Variants in PI4KA observed in about 807,000 individuals in gnomAD.
The protein encoded by PI4KA is phosphatidylinositol 4-kinase alpha, also known as PI4-kinase alpha.
A neutral mutation model predicts 271.4 loss-of-function variants in PI4KA; 122 were observed. The observed-to-expected ratio is 0.45, with a 90% CI of 0.39 to 0.52. PI4KA has a LOEUF of 0.52. Ranked by LOEUF, PI4KA falls within the 20% of genes least tolerant of loss-of-function variation. PI4KA has a pLI of 0.00. For synonymous variants in PI4KA, 1,041 were observed against 1,078.8 expected (o/e 0.96, Z 0.69); for missense variants, 1,969 against 2,769.1 (o/e 0.71, Z 6.48).
intron 19 of PI4KA, among the ~76,000 whole-genome samples, chr22:20,790,885 T>C (rs1474148103): frequency 1.3e-5 from 2 of 152,120 alleles, no homozygotes; most frequent in Non-Finnish European, 2.9e-5. Context: ...AATATAACCA[T>C]TAACTTTCAC....
rs1025508559 is a variant in PI4KA at position 20,858,748 on chromosome 22, C to G, written c.-23G>C. 1.4e-5 allele frequency: 19 copies of G among 1,367,356 alleles called. No homozygotes were observed. The highest frequency in any genetic ancestry group is 1.7e-5 in the Non-Finnish European group (18 of 1,058,482). 84.7% of individuals were successfully genotyped at this position (1,367,356 alleles called of 1,614,324 possible). On this transcript the variant is annotated 5_prime_UTR_variant, in exon 1 of 55. Coordinates refer to ENST00000255882, the MANE Select transcript of PI4KA (RefSeq NM_058004.4). Reference sequence around the variant, plus strand: ...CATCACCTCACGAGCCGCGGCGCTGCCCGCCGGCTCCCCGCTCCTGGCCCG... The same window carrying G: ...CATCACCTCACGAGCCGCGGCGCTGGCCGCCGGCTCCCCGCTCCTGGCCCG...
At chr22:20,739,848 C>T (rs529504424) in intron 32 of PI4KA, among the ~76,000 whole-genome samples, 37 of 152,018 alleles carry the variant, frequency 2.4e-4, no homozygotes, top group Admixed American at 1.6e-3. Flanking sequence ...GCATCACCTG[C>T]GGTCAGGAGT....
intron 19 of PI4KA, among the ~76,000 whole-genome samples, chr22:20,767,495 C>A (rs1932639908): frequency 6.6e-6 from 1 of 152,052 alleles, no homozygotes; most frequent in African/African-American, 2.4e-5. Flanking sequence ...GGGTCTCACT[C>A]TGTTACCCAG....
At chr22:20,771,817 A>G (rs1932887271) in intron 19 of PI4KA, among the ~76,000 whole-genome samples, 1 of 152,064 alleles carries the variant, frequency 6.6e-6, no homozygotes, top group Admixed American at 6.6e-5. Context: ...CCTGACCTCA[A>G]GTGATCCACC....
At chr22:20,793,997 C>T (rs165780) in intron 18 of PI4KA, among the ~76,000 whole-genome samples, 1 of 152,064 alleles carries the variant, frequency 6.6e-6, no homozygotes, top group South Asian at 2.1e-4. Flanking sequence ...ACTTCTGGGA[C>T]GATTCATGGG....
intron 36 of PI4KA, among the ~76,000 whole-genome samples, chr22:20,732,761 G>A (rs1344367120): frequency 6.6e-6 from 1 of 152,142 alleles, no homozygotes; most frequent in Non-Finnish European, 1.5e-5. Flanking sequence ...CAGCTGCCTC[G>A]GGTGCGTGTT....
chr22:20,792,791 C>T (rs1044689857), intron 19 of PI4KA, among the ~76,000 whole-genome samples: 9 of 152,268 alleles, frequency 5.9e-5, no homozygotes, highest in Admixed American at 1.3e-4. Flanking sequence ...GCCTGAGCGC[C>T]GACAAGAGGC....
chr22:20,793,197 G>A lies in PI4KA; in HGVS notation c.2324C>T (p.Ala775Val). 1 of 1,540,656 alleles carries A rather than the reference G, an allele frequency of 6.5e-7. No individual in the cohort carries two copies. Among genetic ancestry groups the A allele is most frequent in the Non-Finnish European group, 9.0e-7 (1 of 1,113,290 alleles). ...ATTCAATTAATGAATACTCACCACAGCTATTACAGGAATGAGTACTCCCAA... is the reference window on the plus strand; with the variant it reads ...ATTCAATTAATGAATACTCACCACAACTATTACAGGAATGAGTACTCCCAA... ...GNLGVLIPVI[A>V]VLTRRLPPIK... The change falls in exon 19 of 55, where the codon GCT becomes GTT. Residue 775 changes from alanine (A) to valine (V), a missense_variant. Around this residue, in one of 13 missense-constraint regions of PI4KA, gnomAD observed 368 missense variants for 544.3 expected, o/e 0.68. Transcript: ENST00000255882.
chr22:20,794,436 C>A (rs938802740), intron 18 of PI4KA, among the ~76,000 whole-genome samples: 12 of 152,226 alleles, frequency 7.9e-5, no homozygotes, highest in Admixed American at 3.9e-4. Flanking sequence ...GCGGGACACA[C>A]TTCTCTCCTG....
intron 1 of PI4KA, 57 bp downstream of exon 1, chr22:20,858,513 G>C: frequency 9.0e-6 from 11 of 1,217,384 alleles, no homozygotes; most frequent in Non-Finnish European, 1.2e-5. Context: ...CCGCCTCCAC[G>C]CTTCGTCACC....
intron 19 of PI4KA, chr22:20,779,916 T>C: frequency 6.2e-7 from 1 of 1,612,542 alleles, no homozygotes; most frequent in African/African-American, 1.3e-5. Flanking sequence ...TCATAATCTC[T>C]TCCGTAAGCT....
intron 3 of PI4KA, among the ~76,000 whole-genome samples, chr22:20,827,726 T>C (rs1197967852): frequency 6.6e-6 from 1 of 152,168 alleles, no homozygotes; most frequent in African/African-American, 2.4e-5. Flanking sequence ...CTGATTTCTT[T>C]CAGCAGTATT....
Position 20,753,078 on chromosome 22 carries a change from G to T in PI4KA, c.2862+32C>A, listed in dbSNP as rs749714104. 3 of 1,614,040 alleles carry T rather than the reference G, an allele frequency of 1.9e-6. No individual in the cohort carries two copies. In the African/African-American group the frequency reaches 4.0e-5, roughly 22 times the overall value. On this transcript the variant is annotated intron_variant, in intron 24 of 54. Coordinates refer to ENST00000255882, the MANE Select transcript of PI4KA (RefSeq NM_058004.4). ...CGCAGTGCCCCAGATGCCTCCAGCA[G>T]ACAGACACGCATTCATGCTGGAGAG...
intron 6 of PI4KA, among the ~76,000 whole-genome samples, chr22:20,818,836 G>A (rs1246594554): frequency 6.6e-6 from 1 of 152,106 alleles, no homozygotes; most frequent in Non-Finnish European, 1.5e-5. Context: ...TACTTCTTAA[G>A]GGCACCAACT....
chr22:20,732,257 G>A (rs1928164765), intron 36 of PI4KA, among the ~76,000 whole-genome samples: 1 of 152,180 alleles, frequency 6.6e-6, no homozygotes, highest in South Asian at 2.1e-4. Context: ...GTGAGCACCT[G>A]TAGTTCCAGC....
intron 9 of PI4KA, among the ~76,000 whole-genome samples, chr22:20,807,825 C>T (rs1284775528): frequency 6.6e-6 from 1 of 152,186 alleles, no homozygotes. Context: ...GGGATCCACA[C>T]TGTCCATCAT....
chr22:20,824,733 C>G (rs1449691510), intron 3 of PI4KA, among the ~76,000 whole-genome samples: 1 of 15,538 alleles, frequency 6.4e-5, no homozygotes, highest in Non-Finnish European at 1.1e-4. Flanking sequence ...TGTGATAAAT[C>G]ACACACACAC....
At chr22:20,803,836 A>C (rs2147613227) in intron 12 of PI4KA, among the ~76,000 whole-genome samples, 1 of 152,328 alleles carries the variant, frequency 6.6e-6, no homozygotes, top group South Asian at 2.1e-4. Context: ...TAGATTGTTA[A>C]AGTGTGCTCA....
At chr22:20,787,493 G>A in intron 19 of PI4KA, 1 of 308,868 alleles carries the variant, frequency 3.2e-6, no homozygotes, top group South Asian at 3.0e-5. Context: ...CTCTCCCAAG[G>A]AGGGTACACA....
Sources: gnomAD v4.1 joint callset for allele counts (sites outside exome capture counted in the v4.1 genomes callset) on GRCh38, gnomAD v4.1.1 for gene constraint, gnomAD v4.1.1 regional missense constraint, MANE v1.5 for transcripts, NCBI Gene and HGNC (gene_info 2026-07-23, HGNC 2026-07-21) for gene names.